Variants in ZMIZ1 observed in about 807,000 individuals in gnomAD.
ZMIZ1 encodes zinc finger MIZ-type containing 1.
ZMIZ1 carries 17 observed loss-of-function variants against 113.9 expected under a neutral mutation model. The observed-to-expected ratio is 0.15, with a 90% CI of 0.10 to 0.22. The LOEUF is 0.22. ZMIZ1 is among the 10% of genes least tolerant of loss of function. The pLI is 1.00. For synonymous variants in ZMIZ1, 607 were observed against 603.1 expected, an observed-to-expected ratio of 1.01 and a Z score of -0.09; for missense variants, 1,059 against 1,477.8, an observed-to-expected ratio of 0.72 and a Z score of 4.65.
intron 4 of ZMIZ1, among the ~76,000 whole-genome samples, chr10:79,174,975 C>G (rs1846763887): frequency 6.6e-6 from 1 of 152,226 alleles, no homozygotes; most frequent in African/African-American, 2.4e-5. Flanking sequence ...ACCTTCCTCC[C>G]AGGCCTCTCT....
rs1462610422 is a variant in ZMIZ1 at position 79,305,540 on chromosome 10, G to T, written c.2362G>T (p.Ala788Ser). The change falls in exon 21 of 25, where the codon GCT becomes TCT. Residue 788 changes from alanine (A) to serine (S), a missense_variant. Ala to Ser is a moderately conservative substitution (Grantham distance 99). Around this residue, in one of 6 missense-constraint regions of ZMIZ1, gnomAD observed 217 missense variants for 426.9 expected, o/e 0.51. Coordinates refer to ENST00000334512, the MANE Select transcript of ZMIZ1 (RefSeq NM_020338.4). ...TWRCPVCNKT[A>S]LLEGLEVDQY... The stretch of plus-strand genomic sequence containing the variant: ...CCCCATCTCCTTTTCCAGTAAAACC[G>T]CTCTGCTGGAGGGCCTGGAGGTGGA... 10 of 1,613,872 alleles carry T rather than the reference G, an allele frequency of 6.2e-6. No individual in the cohort carries two copies. The highest frequency in any genetic ancestry group is 2.7e-5 in the African/African-American group (2 of 74,866).
At chr10:79,298,925 G>A (rs1854103079) in intron 15 of ZMIZ1, 125 bp from the exon 16 acceptor site, 1 of 1,285,736 alleles carries the variant, frequency 7.8e-7, no homozygotes, top group South Asian at 1.5e-5. Flanking sequence ...CTATGTCTCT[G>A]GCCCTGTTTA....
chr10:79,195,031 C>T (rs1054223604), intron 4 of ZMIZ1, among the ~76,000 whole-genome samples: 2 of 152,334 alleles, frequency 1.3e-5, no homozygotes, highest in African/African-American at 4.8e-5. Context: ...GGGGCAGCGT[C>T]TTGGCCTTGG....
intron 7 of ZMIZ1, among the ~76,000 whole-genome samples, chr10:79,220,118 A>G (rs1329116204): frequency 6.6e-6 from 1 of 152,088 alleles, no homozygotes; most frequent in Non-Finnish European, 1.5e-5. Flanking sequence ...CCTCTTGGCC[A>G]CCTCTCCAGG....
intron 6 of ZMIZ1, among the ~76,000 whole-genome samples, chr10:79,208,852 G>T (rs1848433110): frequency 6.6e-6 from 1 of 152,146 alleles, no homozygotes; most frequent in African/African-American, 2.4e-5. Context: ...ATCCATTCAG[G>T]TAAGCATTGA....
intron 4 of ZMIZ1, among the ~76,000 whole-genome samples, chr10:79,195,456 G>A (rs981421694): frequency 4.6e-5 from 7 of 152,220 alleles, no homozygotes; most frequent in African/African-American, 1.7e-4. Flanking sequence ...GTGCACCTGG[G>A]GCCAGGCCGA....
At position 79,162,888 on chromosome 10, in the gene ZMIZ1, A is replaced by G. The variant is rs372924712; in HGVS notation, c.-50+755A>G. Among the ~76,000 whole-genome samples, 11 of 152,232 alleles carry G rather than the reference A, an allele frequency of 7.2e-5. 1 individual carries two copies. The East Asian group carries it at 9.7e-4, about 13-fold the overall frequency. On this transcript the variant is annotated intron_variant, in intron 4 of 24. Coordinates refer to ENST00000334512, the MANE Select transcript of ZMIZ1 (RefSeq NM_020338.4). ...ATAAGGGGGGCAGGGCACCTTGAGG[A>G]GCAACTGAGAGCAGCTGGGGCCAGC...
chr10:79,289,608 G>C (rs1053519689), intron 8 of ZMIZ1, among the ~76,000 whole-genome samples, 167 bp from the exon 9 acceptor site: 18 of 152,178 alleles, frequency 1.2e-4, no homozygotes, highest in African/African-American at 3.6e-4. Flanking sequence ...AGGGCACACT[G>C]TTGTGCACTG....
chr10:79,265,272 A>G (rs2131921368), intron 7 of ZMIZ1, among the ~76,000 whole-genome samples: 1 of 152,202 alleles, frequency 6.6e-6, no homozygotes, highest in Middle Eastern at 3.4e-3. Context: ...CCTGCCCAGC[A>G]CAGGGAAGCA....
intron 10 of ZMIZ1, 60 bp from the exon 11 acceptor site, chr10:79,292,098 G>T: frequency 6.7e-7 from 1 of 1,494,594 alleles, no homozygotes. Context: ...CCCACAGCTT[G>T]CCCTCAGTTC....
chr10:79,280,735 A>G (rs1852679922), intron 8 of ZMIZ1, among the ~76,000 whole-genome samples: 2 of 130,336 alleles, frequency 1.5e-5, no homozygotes, highest in African/African-American at 2.8e-5. Context: ...TATCACAATA[A>G]AAGTACCCTC....
At chr10:79,188,381 G>T (rs886644976) in intron 4 of ZMIZ1, among the ~76,000 whole-genome samples, 1 of 152,168 alleles carries the variant, frequency 6.6e-6, no homozygotes, top group Non-Finnish European at 1.5e-5. Flanking sequence ...GTTCTGGGCC[G>T]CTCTTCCCGC....
intron 8 of ZMIZ1, among the ~76,000 whole-genome samples, chr10:79,278,755 G>A (rs1203628831): frequency 1.3e-5 from 2 of 151,916 alleles, no homozygotes; most frequent in Non-Finnish European, 2.9e-5. Context: ...GGGGTTGGGG[G>A]TAAGGTTATA....
At chr10:79,138,771 A>G (rs1845130830) in intron 2 of ZMIZ1, among the ~76,000 whole-genome samples, 1 of 152,248 alleles carries the variant, frequency 6.6e-6, no homozygotes, top group South Asian at 2.1e-4. Flanking sequence ...AACAGGACAT[A>G]CATTTTTGTT....
intron 1 of ZMIZ1, among the ~76,000 whole-genome samples, chr10:79,079,872 G>A (rs1261477576): frequency 6.6e-6 from 1 of 152,256 alleles, no homozygotes; most frequent in Non-Finnish European, 1.5e-5. Flanking sequence ...CAGGAGGTCA[G>A]CTTCTGCTCT....
chr10:79,260,408 A>G (rs1171439218), intron 7 of ZMIZ1, among the ~76,000 whole-genome samples: 2 of 152,166 alleles, frequency 1.3e-5, no homozygotes, highest in African/African-American at 4.8e-5. Flanking sequence ...ATAAACGGTC[A>G]GGTCAGGGAA....
At chr10:79,164,927 G>T (rs1246888625) in intron 4 of ZMIZ1, among the ~76,000 whole-genome samples, 1 of 152,162 alleles carries the variant, frequency 6.6e-6, no homozygotes, top group African/African-American at 2.4e-5. Flanking sequence ...CCCAGGGGAG[G>T]ACTGGACGAG....
chr10:79,070,086 C>A (rs1842207674), intron 1 of ZMIZ1, among the ~76,000 whole-genome samples: 1 of 148,948 alleles, frequency 6.7e-6, no homozygotes, highest in Admixed American at 6.6e-5. Flanking sequence ...CGGCGGTGGC[C>A]CCGGGGGAGT....
chr10:79,279,982 A>G (rs1329181371), intron 8 of ZMIZ1, among the ~76,000 whole-genome samples: 2 of 142,750 alleles, frequency 1.4e-5, no homozygotes, highest in African/African-American at 5.2e-5. Context: ...GGAGAGGGGT[A>G]TTATTATTAC....
Sources: gnomAD v4.1 joint callset for allele counts (sites outside exome capture counted in the v4.1 genomes callset) on GRCh38, gnomAD v4.1.1 for gene constraint, gnomAD v4.1.1 regional missense constraint, MANE v1.5 for transcripts, NCBI Gene and HGNC (gene_info 2026-07-23, HGNC 2026-07-21) for gene names.